The following CSN2 variants were observed in gnomAD, a reference collection of about 807,000 sequenced individuals.
CSN2 encodes beta-casein.
In CSN2, 27 loss-of-function variants were observed where a neutral mutation model predicts 27.3. The observed-to-expected ratio is 0.99, with a 90% confidence interval of 0.73 to 1.36. The LOEUF (loss-of-function observed/expected upper bound fraction) is 1.36, where lower values mean the gene tolerates loss of function less well. CSN2 is among the 40% of genes most tolerant of loss of function. CSN2 has a pLI of 0.00. For synonymous variants in CSN2, 131 were observed against 94.8 expected, an observed-to-expected ratio of 1.38 and a Z score of -2.22; for missense variants, 333 against 264.5, an observed-to-expected ratio of 1.26 and a Z score of -1.80.
In CSN2 at chr4:69,955,425, T is replaced by G. The variant is rs1232890838; in HGVS notation, c.*204A>C. Reference sequence around the variant, plus strand: ...ACTAGTTGAATTAAGATTTGGAAAATGTAAATAGTTCATGAGTCAAATTTC... The same window carrying G: ...ACTAGTTGAATTAAGATTTGGAAAAGGTAAATAGTTCATGAGTCAAATTTC... On this transcript the variant is annotated 3_prime_UTR_variant, in exon 8 of 8. Transcript: ENST00000353151. 6.6e-6 allele frequency: 1 copy of G among 152,470 alleles called. No individual in the cohort carries two copies. Among genetic ancestry groups the G allele is most frequent in the African/African-American group, 2.4e-5 (1 of 41,434 alleles). The allele number at this position is 152,470 out of a possible 1,614,324, so 9.4% of individuals were successfully genotyped here. A position where few individuals can be genotyped will look rare whatever the true frequency, so the allele number is the denominator to read the frequency against.
At chr4:69,963,771 A>G in intron 1 of CSN2, among the ~76,000 whole-genome samples, 1 of 152,132 alleles carries the variant, frequency 6.6e-6, no homozygotes, top group East Asian at 1.9e-4. Flanking sequence ...AAATTTAAAA[A>G]AAGATTTATT....
chr4:69,956,227 T>C, intron 7 of CSN2, 87 bp downstream of exon 7: 1 of 916,676 alleles, frequency 1.1e-6, no homozygotes, highest in Non-Finnish European at 1.4e-6. Context: ...AAATTTTCAC[T>C]GTATTGGACT....
At position 69,956,014 on chromosome 4, in the gene CSN2, A is replaced by G. The variant is rs932045956; in HGVS notation, c.*36+300T>C. Among the ~76,000 whole-genome samples the G allele has an allele frequency of 2.6e-5, 4 of 152,228 alleles. 1 individual carries two copies. Among genetic ancestry groups the G allele is most frequent in the Admixed American group, 2.6e-4 (4 of 15,272 alleles). On this transcript the variant is annotated intron_variant, in intron 7 of 7. Coordinates refer to ENST00000353151, the MANE Select transcript of CSN2 (RefSeq NM_001891.4). ...TCAAATGTATTTCCATAAAAGTAAAATAAGTATATATTCTGTCTTTCCTAA... is the reference window on the plus strand; with the variant it reads ...TCAAATGTATTTCCATAAAAGTAAAGTAAGTATATATTCTGTCTTTCCTAA...
At chr4:69,957,855 C>A in intron 5 of CSN2, 51 bp from the exon 6 acceptor site, 1 of 1,433,432 alleles carries the variant, frequency 7.0e-7, no homozygotes, top group South Asian at 1.3e-5. Context: ...CTATAATTGC[C>A]ATTCATAATG....
At chr4:69,963,950 AT>A (rs1045277142) in intron 1 of CSN2, among the ~76,000 whole-genome samples, 1 of 151,874 alleles carries the variant, frequency 6.6e-6, no homozygotes, top group African/African-American at 2.4e-5. Context: ...GTCACATTTT[AT>A]TTTTACCTTT....
Position 69,956,297 on chromosome 4 carries a change from A to C in CSN2, c.*36+17T>G. 1.5e-6 allele frequency: 2 copies of C among 1,368,390 alleles called. No homozygotes were observed. Among genetic ancestry groups the C allele is most frequent in the Non-Finnish European group, 1.9e-6 (2 of 1,041,714 alleles). The allele number at this position is 1,368,390 out of a possible 1,614,324, so 84.8% of individuals were successfully genotyped here. On this transcript the variant is annotated intron_variant, in intron 7 of 7. Coordinates refer to ENST00000353151, the MANE Select transcript of CSN2 (RefSeq NM_001891.4). ...TATAAAAATGATCAATTAAATCTCCAAACTCCCAAAACTTACCAAAAATAA... is the reference window on the plus strand; with the variant it reads ...TATAAAAATGATCAATTAAATCTCCCAACTCCCAAAACTTACCAAAAATAA...
intron 1 of CSN2, among the ~76,000 whole-genome samples, chr4:69,961,697 A>C (rs1365959070): frequency 1.3e-5 from 2 of 151,968 alleles, no homozygotes; most frequent in Non-Finnish European, 2.9e-5. Flanking sequence ...CTCTCTCACC[A>C]CTCCTATTCA....
At chr4:69,960,425 G>A (rs1723536590) in intron 2 of CSN2, among the ~76,000 whole-genome samples, 1 of 150,758 alleles carries the variant, frequency 6.6e-6, no homozygotes, top group Admixed American at 6.6e-5. Context: ...TAAAGACAGA[G>A]TTTTTTATGG....
At chr4:69,959,640 T>A (rs1300853079) in intron 3 of CSN2, among the ~76,000 whole-genome samples, 1 of 152,042 alleles carries the variant, frequency 6.6e-6, no homozygotes, top group African/African-American at 2.4e-5. Flanking sequence ...TGTGTCCTTT[T>A]TGCACGTCTG....
intron 6 of CSN2, 141 bp downstream of exon 6, chr4:69,957,133 C>T: frequency 2.3e-6 from 2 of 873,796 alleles, no homozygotes; most frequent in Non-Finnish European, 1.7e-6. Flanking sequence ...TGCACATGTA[C>T]CCTAAAACTT....
chr4:69,957,634 T>G lies in CSN2; in HGVS notation c.315A>C (p.Lys105Asn), dbSNP rs750175387. Residue 105 changes from lysine to asparagine, a missense_variant, in exon 6 of 8, where the codon AAA becomes AAC. Coordinates refer to ENST00000353151, the MANE Select transcript of CSN2 (RefSeq NM_001891.4). Reference protein sequence around the residue: ...QPEIMEVPKAKDTVYTKGRVM... With the variant: ...QPEIMEVPKANDTVYTKGRVM... The stretch of plus-strand genomic sequence containing the variant: ...CTCTGCCCTTAGTGTAGACAGTGTC[T>G]TTAGCTTTAGGGACTTCCATTATTT... 2.5e-6 allele frequency: 4 copies of G among 1,613,838 alleles called. No homozygotes were observed. In the South Asian group the frequency reaches 4.4e-5, roughly 18 times the overall value.
intron 3 of CSN2, 93 bp downstream of exon 3, chr4:69,959,960 C>G (rs566621927): frequency 9.2e-7 from 1 of 1,082,934 alleles, no homozygotes; most frequent in Non-Finnish European, 1.4e-6. Flanking sequence ...ATGTCATTAA[C>G]ATAGCTGCAT....
chr4:69,964,482 CTTTAA>C (rs1170680217), intron 1 of CSN2, among the ~76,000 whole-genome samples: 4 of 151,902 alleles, frequency 2.6e-5, no homozygotes, highest in African/African-American at 4.8e-5. Context: ...TCAAAAAAGT[CTTTAA>C]TTTATTTGAG....
intron 1 of CSN2, among the ~76,000 whole-genome samples, chr4:69,962,952 A>G (rs1477950012): frequency 6.6e-6 from 1 of 152,260 alleles, no homozygotes; most frequent in Admixed American, 6.5e-5. Context: ...TCTCAAAAGA[A>G]GACATTTATA....
chr4:69,957,563 T>C lies in CSN2; in HGVS notation c.386A>G (p.Gln129Arg). The stretch of plus-strand genomic sequence containing the variant: ...TTCAAGATCAGTGAGTTTTGGGATT[T>C]GAGGGTCAAAAAAGGGTATCGTTGG... ...KSPTIPFFDP[Q>R]IPKLTDLENL... The change falls in exon 6 of 8, where the codon CAA (glutamine) becomes CGA (arginine). Residue 129 changes from glutamine (Q) to arginine (R), a missense_variant. Physicochemically the swap from Gln to Arg is conservative, Grantham distance 43. Coordinates refer to ENST00000353151, the MANE Select transcript of CSN2 (RefSeq NM_001891.4). 1 of 1,613,796 alleles carries C rather than the reference T, an allele frequency of 6.2e-7. No homozygotes were observed. Among genetic ancestry groups the C allele is most frequent in the Non-Finnish European group, 8.5e-7 (1 of 1,179,936 alleles).
At chr4:69,961,445 T>C (rs776859) in intron 1 of CSN2, among the ~76,000 whole-genome samples, 75,125 of 152,012 alleles carry the variant, frequency 0.49, 19,763 homozygotes, top group African/African-American at 0.69. Context: ...AATCAATAAA[T>C]GTAATCCAGC....
At chr4:69,958,312 A>G (rs1307437813) in intron 5 of CSN2, among the ~76,000 whole-genome samples, 1 of 152,108 alleles carries the variant, frequency 6.6e-6, no homozygotes, top group Non-Finnish European at 1.5e-5. Context: ...ACACCGGCCA[A>G]ATTCTTACAT....
At chr4:69,959,880 T>C (rs1723515140) in intron 3 of CSN2, among the ~76,000 whole-genome samples, 173 bp downstream of exon 3, 1 of 151,974 alleles carries the variant, frequency 6.6e-6, no homozygotes, top group African/African-American at 2.4e-5. Context: ...TACAAAGTTC[T>C]AGAATGTTGT....
intron 6 of CSN2, 36 bp from the exon 7 acceptor site, chr4:69,956,391 T>A (rs1723397872): frequency 7.5e-7 from 1 of 1,331,792 alleles, no homozygotes. Context: ...ATAAATAACC[T>A]CTTAGTAAGA....
Sources: gnomAD v4.1 joint callset for allele counts (sites outside exome capture counted in the v4.1 genomes callset) on GRCh38, gnomAD v4.1.1 for gene constraint, MANE v1.5 for transcripts, NCBI Gene and HGNC (gene_info 2026-07-23, HGNC 2026-07-21) for gene names.